ATXN2: variants seen among roughly 807,000 people sequenced by gnomAD.
ATXN2 encodes ataxin-2.
A neutral mutation model predicts 138.6 loss-of-function variants in ATXN2; 37 were observed. That is an observed-to-expected ratio of 0.27 (90% CI 0.21 to 0.35). ATXN2 has a LOEUF of 0.35. Among genes scored for constraint, ATXN2 ranks in the 10% least tolerant of loss-of-function variants. ATXN2 has a pLI of 1.00. For synonymous variants in ATXN2, 549 were observed against 543.7 expected (o/e 1.01, Z -0.13); for missense variants, 1,216 against 1,480.3 (o/e 0.82, Z 2.93).
intron 6 of ATXN2, 78 bp downstream of exon 6, chr12:111,525,114 A>C: frequency 6.6e-7 from 1 of 1,504,882 alleles, no homozygotes; most frequent in Non-Finnish European, 8.9e-7. Flanking sequence ...CAACAACAAA[A>C]GCACATTTAA....
At position 111,599,056 on chromosome 12, in the gene ATXN2, C is replaced by T. The variant is rs1355351353; in HGVS notation, c.-22G>A. On this transcript the variant is annotated 5_prime_UTR_variant, in exon 1 of 25. Transcript: ENST00000673436. ...ACATGGTGAGGGGCCCATACACCGG[C>T]TCGCACGCCGGGCGGGGACAGCCGG... The T allele has an allele frequency of 2.8e-6, 4 of 1,449,324 alleles. No individual in the cohort carries two copies. Among genetic ancestry groups the T allele is most frequent in the South Asian group, 1.3e-5 (1 of 75,142 alleles). The allele number at this position is 1,449,324 out of a possible 1,614,324, so 89.8% of individuals were successfully genotyped here. A position where few individuals can be genotyped will look rare whatever the true frequency, so the allele number is the denominator to read the frequency against.
At chr12:111,597,482 G>A (rs1054188007) in intron 1 of ATXN2, among the ~76,000 whole-genome samples, 1 of 152,188 alleles carries the variant, frequency 6.6e-6, no homozygotes, top group African/African-American at 2.4e-5. Context: ...ATGGACTTGC[G>A]TGCCCTTGGT....
At chr12:111,564,052 G>A (rs1003173640) in intron 1 of ATXN2, among the ~76,000 whole-genome samples, 3 of 152,086 alleles carry the variant, frequency 2.0e-5, no homozygotes, top group Admixed American at 6.6e-5. Flanking sequence ...CAGTGTGGTC[G>A]GCAAGCAGTG....
chr12:111,588,991 C>CAAAAAAAAAAAAAAAAAAAAAAAAAAAAA (rs58116265), intron 1 of ATXN2, among the ~76,000 whole-genome samples: 1 of 38,708 alleles, frequency 2.6e-5, no homozygotes, highest in Non-Finnish European at 5.5e-5. Context: ...CGAGATTTCT[C>CAAAAAAAAAAAAAAAAAAAAAAAAAAAAA]AAAAAAAAAA....
rs189774195 is a variant in ATXN2, at chr12:111,499,638, C to T, written c.1935+9911G>A. Reference sequence around the variant, plus strand: ...GCAGTGAGCCAAGATCACACCACTACGCTCCAGCCTGGGCAACAAAGTGAG... The same window carrying T: ...GCAGTGAGCCAAGATCACACCACTATGCTCCAGCCTGGGCAACAAAGTGAG... On this transcript the variant is annotated intron_variant, in intron 14 of 24. Transcript: ENST00000673436. 1.7e-4 allele frequency among the ~76,000 whole-genome samples: 26 copies of T among 151,656 alleles called. No homozygotes were observed. In the East Asian group the frequency reaches 4.7e-3, roughly 27 times the overall value.
At chr12:111,586,047 C>T (rs931000649) in intron 1 of ATXN2, among the ~76,000 whole-genome samples, 11 of 151,504 alleles carry the variant, frequency 7.3e-5, no homozygotes, top group African/African-American at 2.4e-4. Flanking sequence ...CAGAAGTGCA[C>T]GACCATGACT....
chr12:111,454,706 C>T (rs755298380), intron 23 of ATXN2: 11 of 295,616 alleles, frequency 3.7e-5, no homozygotes, highest in Non-Finnish European at 5.4e-5. Context: ...GATGAAATGC[C>T]GTTTTTACTC....
chr12:111,579,106 A>C (rs1321883861), intron 1 of ATXN2, among the ~76,000 whole-genome samples: 2 of 152,172 alleles, frequency 1.3e-5, no homozygotes, highest in Non-Finnish European at 2.9e-5. Context: ...TTTAGCAATT[A>C]CTTTTAAAAT....
chr12:111,569,221 CTGTG>C (rs1178676833), intron 1 of ATXN2, among the ~76,000 whole-genome samples: 1 of 152,088 alleles, frequency 6.6e-6, no homozygotes, highest in Non-Finnish European at 1.5e-5. Flanking sequence ...CTTCAGCTCT[CTGTG>C]TTTCAATTTC....
intron 22 of ATXN2, 22 bp from the exon 23 acceptor site, chr12:111,456,278 T>C (rs989589532): frequency 6.8e-6 from 11 of 1,612,772 alleles, no homozygotes; most frequent in African/African-American, 4.0e-5. Flanking sequence ...CAGGAAAGAA[T>C]TGAGAGGAAA....
At chr12:111,571,348 CT>C (rs1883302514) in intron 1 of ATXN2, among the ~76,000 whole-genome samples, 1 of 152,182 alleles carries the variant, frequency 6.6e-6, no homozygotes, top group African/African-American at 2.4e-5. Context: ...AAATGGTAAT[CT>C]TTTTATTCTT....
intron 1 of ATXN2, among the ~76,000 whole-genome samples, chr12:111,562,862 G>A (rs1882780442): frequency 6.6e-6 from 1 of 151,942 alleles, no homozygotes; most frequent in Non-Finnish European, 1.5e-5. Flanking sequence ...TAGAAACAGA[G>A]TATTTATATA....
At chr12:111,565,086 T>C (rs1882918490) in intron 1 of ATXN2, among the ~76,000 whole-genome samples, 1 of 152,160 alleles carries the variant, frequency 6.6e-6, no homozygotes, top group South Asian at 2.1e-4. Context: ...TTTATGTACA[T>C]ATAAGAAATG....
At chr12:111,588,220 T>A (rs1406394469) in intron 1 of ATXN2, among the ~76,000 whole-genome samples, 1 of 151,152 alleles carries the variant, frequency 6.6e-6, no homozygotes, top group Middle Eastern at 3.4e-3. Flanking sequence ...AATAAATAAA[T>A]AAAACAAATT....
intron 1 of ATXN2, among the ~76,000 whole-genome samples, chr12:111,571,651 T>C (rs1299749208): frequency 6.6e-6 from 1 of 151,778 alleles, no homozygotes. Flanking sequence ...TAAAATGGAG[T>C]TCTATTAGGG....
At chr12:111,465,587 C>CGGT (rs1875935358) in intron 20 of ATXN2, among the ~76,000 whole-genome samples, 2 of 151,032 alleles carry the variant, frequency 1.3e-5, no homozygotes, top group African/African-American at 2.4e-5. Flanking sequence ...CTGGCCAAGA[C>CGGT]GGTGAAACCC....
At chr12:111,483,234 CACACAA>C (rs1877384931) in intron 18 of ATXN2, among the ~76,000 whole-genome samples, 4 of 149,030 alleles carry the variant, frequency 2.7e-5, no homozygotes, top group East Asian at 2.0e-4. Context: ...CACACACACA[CACACAA>C]AACACCCAAA....
chr12:111,567,935 T>G (rs113568301), intron 1 of ATXN2, among the ~76,000 whole-genome samples: 11 of 152,188 alleles, frequency 7.2e-5, no homozygotes, highest in African/African-American at 2.6e-4. Flanking sequence ...TTAAATAATC[T>G]AAGAATAAAA....
rs914102536 is a variant in ATXN2, at chr12:111,471,708, A to T, written c.2525-966T>A. 9.9e-5 allele frequency: 15 copies of T among 151,636 alleles called. No individual in the cohort carries two copies. In the South Asian group the frequency reaches 1.3e-3, roughly 13 times the overall value. 9.4% of individuals were successfully genotyped at this position (151,636 alleles called of 1,614,324 possible). A position where few individuals can be genotyped will look rare whatever the true frequency, so the allele number is the denominator to read the frequency against. ...TCTATGTAGGAAAGCAAACCTGAAC[A>T]TTTTTTTATATTTTATCTTGGATGC... On this transcript the variant is annotated intron_variant, in intron 18 of 24. Transcript: ENST00000673436.
Sources: gnomAD v4.1 joint callset for allele counts (sites outside exome capture counted in the v4.1 genomes callset) on GRCh38, gnomAD v4.1.1 for gene constraint, MANE v1.5 for transcripts, NCBI Gene and HGNC (gene_info 2026-07-23, HGNC 2026-07-21) for gene names.